Variants in NUBPL observed in about 807,000 individuals in gnomAD.
The protein encoded by NUBPL is NUBP iron-sulfur cluster assembly factor, mitochondrial.
In NUBPL, 31 loss-of-function variants were observed where a neutral mutation model predicts 45.7. That is an observed-to-expected ratio of 0.68 (90% confidence interval 0.51 to 0.92). The LOEUF (loss-of-function observed/expected upper bound fraction) is 0.92, where lower values mean the gene tolerates loss of function less well. NUBPL is among the 40% of genes least tolerant of loss of function. NUBPL has a pLI of 0.00. For missense variants in NUBPL, 401 were observed against 398.7 expected (o/e 1.01, Z -0.05); for synonymous variants, 144 against 140.9 (o/e 1.02, Z -0.15).
At chr14:31,614,537 A>C (rs77181201) in intron 4 of NUBPL, among the ~76,000 whole-genome samples, 1,613 of 152,350 alleles carry the variant, frequency 0.011, 24 homozygotes, top group African/African-American at 0.037. Context: ...ATTTTTTTAC[A>C]TGCAACTTAA....
At chr14:31,666,230 T>TAG (rs1356990500) in intron 4 of NUBPL, among the ~76,000 whole-genome samples, 4 of 8,076 alleles carry the variant, frequency 5.0e-4, no homozygotes, top group Non-Finnish European at 1.4e-3. Context: ...ATATTTAAGA[T>TAG]ATATATATAT....
intron 3 of NUBPL, among the ~76,000 whole-genome samples, chr14:31,568,643 A>G (rs745349224): frequency 3.9e-5 from 6 of 152,242 alleles, no homozygotes; most frequent in Non-Finnish European, 8.8e-5. Flanking sequence ...GAGAATTACT[A>G]TATTTTGTAA....
chr14:31,597,016 C>T (rs562636439), intron 3 of NUBPL, among the ~76,000 whole-genome samples: 5 of 152,218 alleles, frequency 3.3e-5, no homozygotes, highest in South Asian at 2.1e-4. Flanking sequence ...CTAGTTTATC[C>T]GGCATCTTTA....
intron 6 of NUBPL, among the ~76,000 whole-genome samples, chr14:31,710,576 T>C (rs1466660103): frequency 6.6e-6 from 1 of 152,162 alleles, no homozygotes; most frequent in African/African-American, 2.4e-5. Flanking sequence ...TTAGTGGCTG[T>C]TACAGACGCA....
At chr14:31,853,697 T>C (rs1270602501) in intron 10 of NUBPL, among the ~76,000 whole-genome samples, 2 of 152,192 alleles carry the variant, frequency 1.3e-5, no homozygotes, top group East Asian at 3.9e-4. Context: ...AAAGTACTAA[T>C]AGTCTGCTGC....
At chr14:31,817,649 C>T (rs1472880991) in intron 7 of NUBPL, among the ~76,000 whole-genome samples, 1 of 152,162 alleles carries the variant, frequency 6.6e-6, no homozygotes, top group African/African-American at 2.4e-5. Context: ...CTTACAAGAG[C>T]TCCTGAAGGA....
At chr14:31,604,631 A>G (rs1362696359) in intron 4 of NUBPL, among the ~76,000 whole-genome samples, 2 of 152,086 alleles carry the variant, frequency 1.3e-5, no homozygotes, top group Admixed American at 6.6e-5. Context: ...GTTTTTGACA[A>G]TTTGTTCATT....
intron 6 of NUBPL, among the ~76,000 whole-genome samples, chr14:31,716,456 T>A (rs920953658): frequency 2.0e-5 from 3 of 152,218 alleles, no homozygotes; most frequent in African/African-American, 7.2e-5. Flanking sequence ...TGTGCTATGA[T>A]GTTAAGACAG....
intron 4 of NUBPL, among the ~76,000 whole-genome samples, chr14:31,669,996 CA>C (rs1277047235): frequency 1.3e-5 from 2 of 151,876 alleles, no homozygotes; most frequent in African/African-American, 4.8e-5. Context: ...GGTATATGCC[CA>C]GTAATGGGAT....
intron 6 of NUBPL, among the ~76,000 whole-genome samples, chr14:31,786,673 T>G (rs1315283269): frequency 2.0e-5 from 3 of 152,212 alleles, no homozygotes. Flanking sequence ...GGCAAATGAA[T>G]GAACAGGTGA....
intron 6 of NUBPL, among the ~76,000 whole-genome samples, chr14:31,766,240 T>G (rs2038910048): frequency 1.3e-5 from 2 of 152,212 alleles, no homozygotes; most frequent in African/African-American, 4.8e-5. Flanking sequence ...GAATGATAGT[T>G]TTTAACTTAG....
At chr14:31,598,581 G>A (rs1324269981) in intron 3 of NUBPL, among the ~76,000 whole-genome samples, 1 of 152,212 alleles carries the variant, frequency 6.6e-6, no homozygotes, top group Admixed American at 6.5e-5. Context: ...TGGCTAAGCT[G>A]CTGATTAATT....
At chr14:31,851,367 A>G (rs1218235594) in intron 10 of NUBPL, among the ~76,000 whole-genome samples, 3 of 151,978 alleles carry the variant, frequency 2.0e-5, no homozygotes, top group Admixed American at 2.0e-4. Context: ...AAAATAAAGG[A>G]GCCAAGTTTG....
At position 31,760,144 on chromosome 14, in the gene NUBPL, T is replaced by TGAGA. The variant is rs1555335613; in HGVS notation, c.514-27601_514-27598dup. Among the ~76,000 whole-genome samples, 168 of 34,834 alleles carry TGAGA rather than the reference T, an allele frequency of 4.8e-3. 7 individuals are homozygous for TGAGA. The highest frequency in any genetic ancestry group is 0.016 in the African/African-American group (150 of 9,254). 22.9% of individuals were successfully genotyped at this position (34,834 alleles called of 152,430 possible). The stretch of plus-strand genomic sequence containing the variant: ...TGACTTTAGTGTGTGTGTGTGTGTG[T>TGAGA]GAGAGAGAGAGAGAGAGAGAGAGAG... On this transcript the variant is annotated intron_variant, in intron 6 of 10. Transcript: ENST00000281081.
intron 7 of NUBPL, among the ~76,000 whole-genome samples, chr14:31,805,018 A>G (rs2039658326): frequency 6.6e-6 from 1 of 152,160 alleles, no homozygotes; most frequent in South Asian, 2.1e-4. Context: ...ATGGGAGAAA[A>G]TATTCACAAA....
intron 3 of NUBPL, among the ~76,000 whole-genome samples, chr14:31,596,339 A>C (rs1408143030): frequency 6.6e-6 from 1 of 152,220 alleles, no homozygotes; most frequent in Non-Finnish European, 1.5e-5. Flanking sequence ...ATCTTTACTG[A>C]GATAGCTCCT....
chr14:31,598,784 G>T (rs2034349287), intron 3 of NUBPL, among the ~76,000 whole-genome samples: 1 of 152,202 alleles, frequency 6.6e-6, no homozygotes, highest in South Asian at 2.1e-4. Context: ...ATTTATGCCA[G>T]ATCTACATCA....
chr14:31,859,718 T>C lies in NUBPL; in HGVS notation c.*538T>C, dbSNP rs771807640. On this transcript the variant is annotated 3_prime_UTR_variant, in exon 11 of 11. Coordinates refer to ENST00000281081, the MANE Select transcript of NUBPL (RefSeq NM_025152.3). ...TCTCCAGGAGTGGAGCCTGAACATATGTATTTTTAGTAAGACCATGATGAT... is the reference window on the plus strand; with the variant it reads ...TCTCCAGGAGTGGAGCCTGAACATACGTATTTTTAGTAAGACCATGATGAT... 7.4e-5 allele frequency: 12 copies of C among 161,138 alleles called. No individual in the cohort carries two copies. Among genetic ancestry groups the C allele is most frequent in the Non-Finnish European group, 8.3e-5 (6 of 72,304 alleles). 10.0% of individuals were successfully genotyped at this position (161,138 alleles called of 1,614,324 possible). A position where few individuals can be genotyped will look rare whatever the true frequency, so the allele number is the denominator to read the frequency against.
At chr14:31,673,831 T>C (rs2139812809) in intron 6 of NUBPL, among the ~76,000 whole-genome samples, 1 of 152,330 alleles carries the variant, frequency 6.6e-6, no homozygotes, top group South Asian at 2.1e-4. Context: ...TTTGACTGTG[T>C]CTGCAGTAAG....
Sources: allele counts gnomAD v4.1 joint callset (sites outside exome capture counted in the v4.1 genomes callset), GRCh38; gene constraint gnomAD v4.1.1; transcripts MANE v1.5; gene names NCBI Gene and HGNC (gene_info 2026-07-23, HGNC 2026-07-21).